LRRTM4: variants seen among roughly 807,000 people sequenced by gnomAD.
LRRTM4 encodes the protein leucine rich repeat transmembrane neuronal 4, also known as leucine-rich repeat transmembrane neuronal protein 4.
A neutral mutation model predicts 47.6 loss-of-function variants in LRRTM4; 25 were observed. That is an observed-to-expected ratio of 0.53 (90% CI 0.38 to 0.73). The LOEUF (loss-of-function observed/expected upper bound fraction) is 0.73, where lower values mean the gene tolerates loss of function less well. LRRTM4 is among the 30% of genes least tolerant of loss of function. The pLI is 0.00. For synonymous variants in LRRTM4, 311 were observed against 269.5 expected (o/e 1.15, Z -1.51); for missense variants, 638 against 713.4 (o/e 0.89, Z 1.20).
At chr2:76,753,627 A>T (rs1672925194) in intron 3 of LRRTM4, among the ~76,000 whole-genome samples, 1 of 152,154 alleles carries the variant, frequency 6.6e-6, no homozygotes. Flanking sequence ...CAAAAAGAGA[A>T]GTTAGGGAGA....
chr2:77,287,900 G>A (rs1256433290), intron 3 of LRRTM4, among the ~76,000 whole-genome samples: 1 of 152,108 alleles, frequency 6.6e-6, no homozygotes, highest in Non-Finnish European at 1.5e-5. Context: ...CCCACTGGGG[G>A]TTTTGGAAGC....
At chr2:77,272,484 A>G (rs1676226523) in intron 3 of LRRTM4, among the ~76,000 whole-genome samples, 1 of 152,228 alleles carries the variant, frequency 6.6e-6, no homozygotes, top group Non-Finnish European at 1.5e-5. Flanking sequence ...TGAGGTCATT[A>G]AACAAGTGTA....
At chr2:77,051,186 A>C (rs1679420480) in intron 3 of LRRTM4, among the ~76,000 whole-genome samples, 1 of 151,980 alleles carries the variant, frequency 6.6e-6, no homozygotes, top group Non-Finnish European at 1.5e-5. Context: ...GTGCTGCTGA[A>C]CATCCTACAG....
chr2:76,905,060 A>AC (rs1470052928), intron 3 of LRRTM4, among the ~76,000 whole-genome samples: 3 of 152,012 alleles, frequency 2.0e-5, no homozygotes, highest in Non-Finnish European at 4.4e-5. Flanking sequence ...TGGGTCTCTG[A>AC]CCCCCTGACC....
intron 3 of LRRTM4, among the ~76,000 whole-genome samples, chr2:76,890,727 A>G (rs571457886): frequency 2.0e-5 from 3 of 151,820 alleles, no homozygotes; most frequent in East Asian, 3.9e-4. Flanking sequence ...AATAACGAAC[A>G]TAACTGACAA....
At chr2:77,299,376 C>T (rs542924056) in intron 3 of LRRTM4, among the ~76,000 whole-genome samples, 5 of 149,742 alleles carry the variant, frequency 3.3e-5, no homozygotes, top group Non-Finnish European at 7.4e-5. Flanking sequence ...TATATATATA[C>T]GTATATATGT....
intron 3 of LRRTM4, among the ~76,000 whole-genome samples, chr2:77,022,131 T>A (rs901503223): frequency 6.6e-6 from 1 of 152,076 alleles, no homozygotes. Context: ...TGAAAGTACT[T>A]CTTACATGGT....
intron 3 of LRRTM4, among the ~76,000 whole-genome samples, chr2:77,141,022 T>C (rs541360488): frequency 4.0e-4 from 61 of 152,256 alleles, no homozygotes; most frequent in African/African-American, 1.5e-3. Flanking sequence ...ACACTGTTGG[T>C]GGGACTGTAA....
At chr2:77,362,531 G>A (rs1283163949) in intron 3 of LRRTM4, among the ~76,000 whole-genome samples, 3 of 152,136 alleles carry the variant, frequency 2.0e-5, no homozygotes, top group African/African-American at 7.2e-5. Flanking sequence ...CTGGTGCTGT[G>A]GTCCGTGTTA....
At chr2:77,261,374 A>G (rs10200698) in intron 3 of LRRTM4, among the ~76,000 whole-genome samples, 18,663 of 152,032 alleles carry the variant, frequency 0.12, 3,846 homozygotes, top group African/African-American at 0.42. Context: ...ATTTCTGGAC[A>G]AGGGCAGTGA....
intron 3 of LRRTM4, among the ~76,000 whole-genome samples, chr2:77,104,742 A>C (rs1236775085): frequency 6.6e-6 from 1 of 152,198 alleles, no homozygotes; most frequent in Non-Finnish European, 1.5e-5. Flanking sequence ...GAAATCGAGC[A>C]GGGTTTATTC....
At chr2:77,063,768 GTTTAT>G (rs1408800389) in intron 3 of LRRTM4, among the ~76,000 whole-genome samples, 1 of 152,098 alleles carries the variant, frequency 6.6e-6, no homozygotes, top group Non-Finnish European at 1.5e-5. Context: ...CCTGCCAAAT[GTTTAT>G]TATAATAAAC....
At chr2:76,822,869 T>A (rs1671091871) in intron 3 of LRRTM4, among the ~76,000 whole-genome samples, 1 of 151,454 alleles carries the variant, frequency 6.6e-6, no homozygotes, top group Admixed American at 6.6e-5. Flanking sequence ...TGGTCAGTAT[T>A]GTTGAACTCT....
Position 76,792,239 on chromosome 2 carries a change from G to A in LRRTM4, c.1552-43323C>T, listed in dbSNP as rs540386412. On this transcript the variant is annotated intron_variant, in intron 3 of 3. Transcript: ENST00000409884. Reference sequence around the variant, plus strand: ...TTCAGAATTTAAAAAATGTTAAGTCGGCTTAAAAACAACAAAATAACCATT... The same window carrying A: ...TTCAGAATTTAAAAAATGTTAAGTCAGCTTAAAAACAACAAAATAACCATT... 4.9e-4 allele frequency among the ~76,000 whole-genome samples: 74 copies of A among 151,692 alleles called. 1 individual carries two copies. The Middle Eastern group carries it at 0.02, about 42-fold the overall frequency.
chr2:77,488,422 C>A (rs868710026), intron 3 of LRRTM4, among the ~76,000 whole-genome samples: 2 of 152,146 alleles, frequency 1.3e-5, no homozygotes, highest in South Asian at 4.1e-4. Context: ...TCTTGGCAGG[C>A]GTGAGATCAG....
At chr2:77,416,936 T>C (rs1202789120) in intron 3 of LRRTM4, among the ~76,000 whole-genome samples, 1 of 152,020 alleles carries the variant, frequency 6.6e-6, no homozygotes, top group African/African-American at 2.4e-5. Context: ...CAAAAGAAAC[T>C]ACCATCAGAG....
At chr2:76,877,377 A>T (rs1672807040) in intron 3 of LRRTM4, among the ~76,000 whole-genome samples, 1 of 150,492 alleles carries the variant, frequency 6.6e-6, no homozygotes, top group Non-Finnish European at 1.5e-5. Flanking sequence ...AATTTCTGAG[A>T]TTTTTTTTTT....
chr2:77,005,586 T>C (rs62170210), intron 3 of LRRTM4, among the ~76,000 whole-genome samples: 19,167 of 152,148 alleles, frequency 0.13, 1,459 homozygotes, highest in Admixed American at 0.2. Flanking sequence ...TGGGAGGTAA[T>C]TGAATCATGG....
chr2:77,306,898 T>TATATATATATATATATATATATATATATA (rs1491493424), intron 3 of LRRTM4, among the ~76,000 whole-genome samples: 33 of 81,378 alleles, frequency 4.1e-4, no homozygotes, highest in African/African-American at 2.2e-3. Flanking sequence ...CTTTTCCATA[T>TATATATATATATATATATATATATATATA]TTTTTTTTTT....
Sources: gnomAD v4.1 joint callset for allele counts (sites outside exome capture counted in the v4.1 genomes callset) on GRCh38, gnomAD v4.1.1 for gene constraint, MANE v1.5 for transcripts, NCBI Gene and HGNC (gene_info 2026-07-23, HGNC 2026-07-21) for gene names.